Variants in CLCN2 observed in about 807,000 individuals in gnomAD.
CLCN2 encodes chloride channel protein 2.
Under a neutral mutation model 108.3 loss-of-function variants are expected in CLCN2, and 72 were observed. The ratio of observed to expected loss-of-function variants is 0.66; its 90% confidence interval spans 0.55 to 0.81. CLCN2 has a LOEUF of 0.81. Ranked by LOEUF, CLCN2 falls within the 30% of genes least tolerant of loss-of-function variation. The probability of loss-of-function intolerance (pLI) is 0.00; values close to 1 mark genes in which losing one functional copy is unlikely to be tolerated. For synonymous variants in CLCN2, 471 were observed against 467.1 expected (o/e 1.01, Z -0.11); for missense variants, 1,048 against 1,205.2 (o/e 0.87, Z 1.93).
Position 184,355,797 on chromosome 3 carries a change from C to T in CLCN2, c.1086-19G>A. 6.2e-7 allele frequency: 1 copy of T among 1,612,136 alleles called. No individual in the cohort carries two copies. Among genetic ancestry groups the T allele is most frequent in the Non-Finnish European group, 8.5e-7 (1 of 1,178,578 alleles). ...CAGGCGTCTAGAGTCGTAGGTTTCA[C>T]ATCAGTCGTGGGTGGCCAAGGGCTG... On this transcript the variant is annotated intron_variant, in intron 10 of 23. Transcript: ENST00000265593. This position sits in a 1 kb window ranked among gnomAD's most constrained non-coding sequence, Gnocchi z 6.3.
At position 184,354,993 on chromosome 3, in the gene CLCN2, C is replaced by T; in HGVS notation, c.1327-20G>A. On this transcript the variant is annotated intron_variant, in intron 12 of 23. Coordinates refer to ENST00000265593, the MANE Select transcript of CLCN2 (RefSeq NM_004366.6). ...CCAGAACTGCAGGCAGGGGGTGGTT[C>T]AAAGGCGAAGAGGCTCCACCTGGCC... 3.7e-6 allele frequency: 6 copies of T among 1,613,128 alleles called. No homozygotes were observed. Among genetic ancestry groups the T allele is most frequent in the Non-Finnish European group, 5.1e-6 (6 of 1,179,378 alleles).
chr3:184,355,218 C>T lies in CLCN2; in HGVS notation c.1326+156G>A, dbSNP rs1728454960. 3.3e-6 allele frequency: 3 copies of T among 897,604 alleles called. No individual in the cohort carries two copies. In the East Asian group the frequency reaches 7.7e-5, roughly 23 times the overall value. The allele number at this position is 897,604 out of a possible 1,614,324, so 55.6% of individuals were successfully genotyped here. On this transcript the variant is annotated intron_variant, in intron 12 of 23. Transcript: ENST00000265593. This position sits in a 1 kb window ranked among gnomAD's most constrained non-coding sequence, Gnocchi z 6.3. ...CTCTAGCTGTGTGACTTTGGGCCAGCTACTTGTGTTTCGACTCCCCCATCT... is the reference window on the plus strand; with the variant it reads ...CTCTAGCTGTGTGACTTTGGGCCAGTTACTTGTGTTTCGACTCCCCCATCT...
chr3:184,357,959 T>C lies in CLCN2; in HGVS notation c.615+3A>G. On this transcript the variant is annotated splice_donor_region_variant and intron_variant, in intron 5 of 23. Transcript: ENST00000265593. ...ACTCCTTCATTCCCCAGCCTGCAGT[T>C]ACCTCTTTGCCAAGCGGCATCCCGC... 6.2e-7 allele frequency: 1 copy of C among 1,613,972 alleles called. No homozygotes were observed. Among genetic ancestry groups the C allele is most frequent in the South Asian group, 1.1e-5 (1 of 91,086 alleles).
chr3:184,354,362 G>T, intron 14 of CLCN2, 48 bp from the exon 15 acceptor site: 1 of 1,584,302 alleles, frequency 6.3e-7, no homozygotes, highest in Non-Finnish European at 8.6e-7. Context: ...GGTCCCAGAA[G>T]ACCCTCCACA....
In CLCN2 at chr3:184,347,036, G is replaced by C; in HGVS notation, c.2416-15C>G. ...ATAGTGTGAGTCTGCAGTGTGGGGAGAAAAGCGATTGGACTTGATGGACGA... is the reference window on the plus strand; with the variant it reads ...ATAGTGTGAGTCTGCAGTGTGGGGACAAAAGCGATTGGACTTGATGGACGA... On this transcript the variant is annotated splice_polypyrimidine_tract_variant and intron_variant, in intron 22 of 23. Transcript: ENST00000265593. The C allele has an allele frequency of 6.2e-7, 1 of 1,608,296 alleles. No individual in the cohort carries two copies. Among genetic ancestry groups the C allele is most frequent in the Non-Finnish European group, 8.5e-7 (1 of 1,174,752 alleles).
rs758040599 is a variant in CLCN2, at chr3:184,353,059, G to C, written c.2117C>G (p.Thr706Ser). Residue 706 changes from threonine to serine, a missense_variant, in exon 18 of 24, where the codon ACC (threonine) becomes AGC (serine). Physicochemically the swap from Thr to Ser is moderately conservative, Grantham distance 58. Transcript: ENST00000265593. ...TGTGGGACTCTCTCCGAGGTTCCTGGTGACACTGGGCCCCCTCTTGAGTGC... is the reference window on the plus strand; with the variant it reads ...TGTGGGACTCTCTCCGAGGTTCCTGCTGACACTGGGCCCCCTCTTGAGTGC... ...KPALKRGPSVTRNLGESPTGS... is the reference protein window; with the variant it reads ...KPALKRGPSVSRNLGESPTGS... The C allele has an allele frequency of 1.2e-6, 2 of 1,614,156 alleles. No individual in the cohort carries two copies. Among genetic ancestry groups the C allele is most frequent in the South Asian group, 1.1e-5 (1 of 91,084 alleles).
In CLCN2 at chr3:184,361,428, C is replaced by G. The variant is rs1171218806; in HGVS notation, c.52G>C (p.Glu18Gln). The G allele has an allele frequency of 2.5e-6, 4 of 1,613,560 alleles. No individual in the cohort carries two copies. The South Asian group carries it at 3.3e-5, about 13-fold the overall frequency. The change falls in exon 1 of 24, where the codon GAG (glutamate) becomes CAG (glutamine). Residue 18 changes from glutamate to glutamine, a missense_variant. Glu to Gln is a conservative substitution (Grantham distance 29). Coordinates refer to ENST00000265593, the MANE Select transcript of CLCN2 (RefSeq NM_004366.6). This position sits in a 1 kb window ranked among gnomAD's most constrained non-coding sequence, Gnocchi z 6.6. ...TCAGCTTCACTTACCAGGGTCTGCT[C>G]GTACTGCAGCGCCCGTGGCTCCATC... ...EGMEPRALQYEQTLMYGRYTQ... is the reference protein window; with the variant it reads ...EGMEPRALQYQQTLMYGRYTQ...
In CLCN2 at chr3:184,355,262, T is replaced by C. The variant is rs962760827; in HGVS notation, c.1326+112A>G. 8.3e-7 allele frequency: 1 copy of C among 1,210,094 alleles called. No individual in the cohort carries two copies. Among genetic ancestry groups the C allele is most frequent in the East Asian group, 2.3e-5 (1 of 42,966 alleles). 75.0% of individuals were successfully genotyped at this position (1,210,094 alleles called of 1,614,324 possible). A position where few individuals can be genotyped will look rare whatever the true frequency, so the allele number is the denominator to read the frequency against. On this transcript the variant is annotated intron_variant, in intron 12 of 23. Coordinates refer to ENST00000265593, the MANE Select transcript of CLCN2 (RefSeq NM_004366.6). The surrounding 1 kb of genome is among the most constrained non-coding windows in gnomAD (Gnocchi z 6.3). ...CCCATCTTTCAAACGGGGGTGATAATAGTGCCTTTCCCATGGCACTGTGGA... is the reference window on the plus strand; with the variant it reads ...CCCATCTTTCAAACGGGGGTGATAACAGTGCCTTTCCCATGGCACTGTGGA...
rs375757228 is a variant in CLCN2, at chr3:184,358,249, G to A, written c.414C>T (p.Val138=). Residue 138 remains valine, a synonymous_variant, in exon 4 of 24, where the codon GTC becomes GTT. Transcript: ENST00000265593. ...TSILLQYLAW[V]TYPVVLITFS... ...AAGTGATGAGGACAACAGGGTAGGTGACCCAGGCCAGGTACTGGAGCAAGA... is the reference window on the plus strand; with the variant it reads ...AAGTGATGAGGACAACAGGGTAGGTAACCCAGGCCAGGTACTGGAGCAAGA... 5 of 1,614,078 alleles carry A rather than the reference G, an allele frequency of 3.1e-6. 1 individual carries two copies. The highest frequency in any genetic ancestry group is 4.2e-6 in the Non-Finnish European group (5 of 1,180,056).
At chr3:184,347,123 G>C in intron 22 of CLCN2, 102 bp from the exon 23 acceptor site, 1 of 944,668 alleles carries the variant, frequency 1.1e-6, no homozygotes, top group Non-Finnish European at 1.7e-6. Context: ...AATAGGAGGG[G>C]TGCCCCAGAT....
At position 184,358,648 on chromosome 3, in the gene CLCN2, T is replaced by G. The variant is rs1711585578; in HGVS notation, c.352+34A>C. On this transcript the variant is annotated intron_variant, in intron 3 of 23. Transcript: ENST00000265593. Reference sequence around the variant, plus strand: ...TGTGGCATGGACGCAGGAGGTTTATTCCCAGTCCTCCCCCTGCCAGCTGTC... The same window carrying G: ...TGTGGCATGGACGCAGGAGGTTTATGCCCAGTCCTCCCCCTGCCAGCTGTC... 3 of 1,555,872 alleles carry G rather than the reference T, an allele frequency of 1.9e-6. No homozygotes were observed. The East Asian group carries it at 7.2e-5, about 38-fold the overall frequency.
chr3:184,352,626 C>T (rs887135722), intron 19 of CLCN2, 111 bp downstream of exon 19: 34 of 1,464,916 alleles, frequency 2.3e-5, no homozygotes, highest in African/African-American at 1.9e-4. Flanking sequence ...CAGGGAGGGC[C>T]GAAGGGCAGG....
chr3:184,347,130 A>T, intron 22 of CLCN2, 109 bp from the exon 23 acceptor site: 1 of 857,756 alleles, frequency 1.2e-6, no homozygotes, highest in Non-Finnish European at 2.0e-6. Context: ...GGGGTGCCCC[A>T]GATTGGGAGG....
At position 184,355,864 on chromosome 3, in the gene CLCN2, T is replaced by A; in HGVS notation, c.1086-86A>T. On this transcript the variant is annotated intron_variant, in intron 10 of 23. Transcript: ENST00000265593. This position sits in a 1 kb window ranked among gnomAD's most constrained non-coding sequence, Gnocchi z 6.3. ...TCAGGGCTGAGGTCAGAGCAGAGCCTTGGCTCTTTCATGAAAACACTCAGT... is the reference window on the plus strand; with the variant it reads ...TCAGGGCTGAGGTCAGAGCAGAGCCATGGCTCTTTCATGAAAACACTCAGT... 3 of 1,084,576 alleles carry A rather than the reference T, an allele frequency of 2.8e-6. No homozygotes were observed. The highest frequency in any genetic ancestry group is 1.3e-5 in the South Asian group (1 of 76,372). The allele number at this position is 1,084,576 out of a possible 1,614,324, so 67.2% of individuals were successfully genotyped here. A position where few individuals can be genotyped will look rare whatever the true frequency, so the allele number is the denominator to read the frequency against.
chr3:184,361,296 T>C lies in CLCN2; in HGVS notation c.63+121A>G. ...GCAGCCTCAGACTTCCAAGCCTCAGTTTCCCCAGCTCAAAATGCTAGGACA... is the reference window on the plus strand; with the variant it reads ...GCAGCCTCAGACTTCCAAGCCTCAGCTTCCCCAGCTCAAAATGCTAGGACA... On this transcript the variant is annotated intron_variant, in intron 1 of 23. Transcript: ENST00000265593. This position sits in a 1 kb window ranked among gnomAD's most constrained non-coding sequence, Gnocchi z 6.6. 9.2e-7 allele frequency: 1 copy of C among 1,089,590 alleles called. No homozygotes were observed. 67.5% of individuals were successfully genotyped at this position (1,089,590 alleles called of 1,614,324 possible). A position where few individuals can be genotyped will look rare whatever the true frequency, so the allele number is the denominator to read the frequency against.
At chr3:184,352,604 C>A in intron 19 of CLCN2, 108 bp from the exon 20 acceptor site, 1 of 1,450,978 alleles carries the variant, frequency 6.9e-7, no homozygotes, top group Non-Finnish European at 9.6e-7. Flanking sequence ...GCCACAGGAC[C>A]TGAGCTGACA....
In CLCN2 at chr3:184,355,795, C is replaced by T. The variant is rs200509841; in HGVS notation, c.1086-17G>A. 1,968 of 1,612,746 alleles carry T rather than the reference C, an allele frequency of 1.2e-3. 8 individuals are homozygous for T. Among genetic ancestry groups the T allele is most frequent in the Middle Eastern group, 9.6e-3 (58 of 6,062 alleles). Reference sequence around the variant, plus strand: ...AGCAGGCGTCTAGAGTCGTAGGTTTCACATCAGTCGTGGGTGGCCAAGGGC... The same window carrying T: ...AGCAGGCGTCTAGAGTCGTAGGTTTTACATCAGTCGTGGGTGGCCAAGGGC... On this transcript the variant is annotated splice_polypyrimidine_tract_variant and intron_variant, in intron 10 of 23. Coordinates refer to ENST00000265593, the MANE Select transcript of CLCN2 (RefSeq NM_004366.6). The surrounding 1 kb of genome is among the most constrained non-coding windows in gnomAD (Gnocchi z 6.3).
chr3:184,359,107 G>C lies in CLCN2; in HGVS notation c.88C>G (p.Leu30Val), dbSNP rs1331136404. The C allele has an allele frequency of 6.2e-7, 1 of 1,613,776 alleles. No homozygotes were observed. Among genetic ancestry groups the C allele is most frequent in the East Asian group, 2.2e-5 (1 of 44,892 alleles). The change falls in exon 2 of 24, where the codon CTT (leucine) becomes GTT (valine). Residue 30 changes from leucine to valine, a missense_variant. By Grantham distance (32) the Leu-to-Val change is conservative (BLOSUM62 1). Transcript: ENST00000265593. ...GCTTCCTCTTTGGCAAAGGCCCCAA[G>C]GTCCTGAGTGTACCGGCCATACATC... ...TLMYGRYTQDLGAFAKEEAAR... is the reference protein window; with the variant it reads ...TLMYGRYTQDVGAFAKEEAAR...
intron 10 of CLCN2, 35 bp downstream of exon 10, chr3:184,356,958 C>T: frequency 6.6e-7 from 1 of 1,526,670 alleles, no homozygotes; most frequent in Non-Finnish European, 9.1e-7. Context: ...TTATACAACT[C>T]AAAGCAGCCT....
Sources: gnomAD v4.1 joint callset for allele counts on GRCh38, gnomAD v4.1.1 for gene constraint, Gnocchi (gnomAD v3.1) non-coding constraint, MANE v1.5 for transcripts, NCBI Gene and HGNC (gene_info 2026-07-23, HGNC 2026-07-21) for gene names.